Variants in PTPN14 observed in about 807,000 individuals in gnomAD.
The protein encoded by PTPN14 is protein tyrosine phosphatase non-receptor type 14.
PTPN14 carries 53 observed loss-of-function variants against 126.8 expected under a neutral mutation model. That is an observed-to-expected ratio of 0.42 (90% CI 0.34 to 0.53). The LOEUF (loss-of-function observed/expected upper bound fraction) is 0.53. PTPN14 is among the 20% of genes least tolerant of loss of function. The pLI is 0.08. For synonymous variants in PTPN14, 630 were observed against 599.3 expected (o/e 1.05, Z -0.75); for missense variants, 1,257 against 1,552.9 (o/e 0.81, Z 3.20).
At position 214,411,801 on chromosome 1, in the gene PTPN14, G is replaced by T. The variant is rs540466847; in HGVS notation, c.443-50C>A. ...GCAGTATTTATTATATGAAATTAAA[G>T]ATGGAATAAAATAGGGCAAACTCAT... is the stretch of plus-strand genomic sequence containing the variant. On this transcript the variant is annotated intron_variant, in intron 4 of 18. Transcript: ENST00000366956. 28 of 1,259,760 alleles carry T rather than the reference G, an allele frequency of 2.2e-5. No homozygotes were observed. The South Asian group carries it at 3.5e-4, about 16-fold the overall frequency. 78.0% of individuals were successfully genotyped at this position (1,259,760 alleles called of 1,614,324 possible). A position where few individuals can be genotyped will look rare whatever the true frequency, so the allele number is the denominator to read the frequency against.
intron 3 of PTPN14, among the ~76,000 whole-genome samples, chr1:214,417,051 A>G (rs554253360): frequency 9.2e-5 from 14 of 152,110 alleles, no homozygotes; most frequent in African/African-American, 3.1e-4. Flanking sequence ...TCATGCCAGG[A>G]AAGTAAGCAT....
In PTPN14 at chr1:214,351,215, C is replaced by A. The variant is rs915629432; in HGVS notation, c.*6707G>T. 1.3e-5 allele frequency: 2 copies of A among 149,984 alleles called. No individual in the cohort carries two copies. The highest frequency in any genetic ancestry group is 4.9e-5 in the African/African-American group (2 of 40,688). 9.3% of individuals were successfully genotyped at this position (149,984 alleles called of 1,614,324 possible). ...TAAAAATTAGCCGGGTGTGGTGGTG[C>A]ACGCCTATAATCCCAGCTACTTTGG... On this transcript the variant is annotated 3_prime_UTR_variant, in exon 19 of 19. Coordinates refer to ENST00000366956, the MANE Select transcript of PTPN14 (RefSeq NM_005401.5).
chr1:214,425,148 C>T (rs921674980), intron 3 of PTPN14, among the ~76,000 whole-genome samples: 3 of 152,080 alleles, frequency 2.0e-5, no homozygotes, highest in Non-Finnish European at 4.4e-5. Flanking sequence ...ACCTTGAAGG[C>T]GGGAACCACC....
intron 1 of PTPN14, among the ~76,000 whole-genome samples, chr1:214,478,534 T>C (rs937009602): frequency 6.6e-6 from 1 of 152,144 alleles, no homozygotes; most frequent in African/African-American, 2.4e-5. Context: ...TTATCACCAT[T>C]GTATTTGGAA....
chr1:214,467,874 G>A (rs139188693), intron 1 of PTPN14, among the ~76,000 whole-genome samples: 6 of 152,142 alleles, frequency 3.9e-5, no homozygotes, highest in East Asian at 1.9e-4. Flanking sequence ...TGCAAGATAC[G>A]GTATCAACAA....
chr1:214,384,644 A>C lies in PTPN14; in HGVS notation c.1211T>G (p.Ile404Ser), dbSNP rs750124787. Residue 404 changes from isoleucine (I) to serine (S), a missense_variant, in exon 13 of 19, where the codon ATC (isoleucine) becomes AGC (serine). Ile to Ser is a moderately radical substitution (Grantham distance 142, BLOSUM62 -2). Around this residue, in one of 3 missense-constraint regions of PTPN14, gnomAD observed 1,021 missense variants for 1,183.3 expected, o/e 0.86. Transcript: ENST00000366956. This position sits in a 1 kb window ranked among gnomAD's most constrained non-coding sequence, Gnocchi z 5.3. ...VNSLNCSQSF[I>S]QASPVSSNLS... Reference sequence around the variant, plus strand: ...GTTGGAGGATACAGGGGAGGCCTGGATGAAACTTTGCGAGCAGTTGAGGGA... The same window carrying C: ...GTTGGAGGATACAGGGGAGGCCTGGCTGAAACTTTGCGAGCAGTTGAGGGA... 6.2e-7 allele frequency: 1 copy of C among 1,614,040 alleles called. No homozygotes were observed. The highest frequency in any genetic ancestry group is 8.5e-7 in the Non-Finnish European group (1 of 1,180,014).
intron 5 of PTPN14, among the ~76,000 whole-genome samples, chr1:214,410,407 C>T (rs1659280414): frequency 6.6e-6 from 1 of 151,910 alleles, no homozygotes; most frequent in African/African-American, 2.4e-5. Flanking sequence ...ATTCTCCTGC[C>T]TCAGCCTCCT....
Position 214,465,065 on chromosome 1 carries a change from A to T in PTPN14, c.-154-108T>A. On this transcript the variant is annotated intron_variant, in intron 1 of 18. Coordinates refer to ENST00000366956, the MANE Select transcript of PTPN14 (RefSeq NM_005401.5). ...CCCCCCCCCCCACCCCGCCAAACAGATCAACACTCAGGTTTGATAAGCTGC... is the reference window on the plus strand; with the variant it reads ...CCCCCCCCCCCACCCCGCCAAACAGTTCAACACTCAGGTTTGATAAGCTGC... The T allele has an allele frequency of 7.7e-6, 3 of 387,204 alleles. No homozygotes were observed. The South Asian group carries it at 1.1e-4, about 14-fold the overall frequency. The allele number at this position is 387,204 out of a possible 1,614,324, so 24.0% of individuals were successfully genotyped here.
intron 1 of PTPN14, among the ~76,000 whole-genome samples, chr1:214,502,924 G>T (rs1375796299): frequency 6.6e-6 from 1 of 152,100 alleles, no homozygotes; most frequent in Non-Finnish European, 1.5e-5. Context: ...TAAGTGAAAA[G>T]TTGCTCAAAT....
intron 1 of PTPN14, among the ~76,000 whole-genome samples, chr1:214,517,532 C>T (rs148718102): frequency 1.5e-4 from 23 of 149,556 alleles, no homozygotes; most frequent in African/African-American, 4.9e-4. Context: ...AAAATCTAAT[C>T]ATAGCACTAG....
chr1:214,414,561 G>A (rs903868428), intron 4 of PTPN14, 68 bp downstream of exon 4: 6 of 1,374,242 alleles, frequency 4.4e-6, no homozygotes, highest in African/African-American at 4.3e-5. Context: ...TTCTCACTCT[G>A]AGAGGCCAGC....
chr1:214,484,390 G>A (rs1369795683), intron 1 of PTPN14, among the ~76,000 whole-genome samples: 1 of 152,192 alleles, frequency 6.6e-6, no homozygotes, highest in Non-Finnish European at 1.5e-5. Context: ...AAGCCTAGGT[G>A]ACAGAGTGAG....
chr1:214,368,524 T>C (rs113994461), intron 17 of PTPN14, among the ~76,000 whole-genome samples: 1 of 152,038 alleles, frequency 6.6e-6, no homozygotes, highest in Admixed American at 6.5e-5. Context: ...TATTTCTCCT[T>C]TTTTTTAAAA....
intron 3 of PTPN14, among the ~76,000 whole-genome samples, chr1:214,444,750 C>T (rs1273243934): frequency 6.6e-6 from 1 of 152,176 alleles, no homozygotes; most frequent in Non-Finnish European, 1.5e-5. Flanking sequence ...GAGACACACA[C>T]ATGCACACAC....
chr1:214,480,584 T>C (rs1660962907), intron 1 of PTPN14, among the ~76,000 whole-genome samples: 1 of 152,202 alleles, frequency 6.6e-6, no homozygotes, highest in South Asian at 2.1e-4. Flanking sequence ...GGCATGGCCC[T>C]GGGTATGATC....
rs71165974 is a variant in PTPN14, at chr1:214,465,951, C to CTTTT, written c.-154-998_-154-995dup. On this transcript the variant is annotated intron_variant, in intron 1 of 18. Coordinates refer to ENST00000366956, the MANE Select transcript of PTPN14 (RefSeq NM_005401.5). ...TGCATTTAATATAATCAGTTACTTC[C>CTTTT]TTTTTTTTTTTTTTTTTTTTGTGAA... Among the ~76,000 whole-genome samples, 61 of 59,008 alleles carry CTTTT rather than the reference C, an allele frequency of 1.0e-3. 10 individuals are homozygous for CTTTT. The highest frequency in any genetic ancestry group is 2.1e-3 in the African/African-American group (30 of 14,436). The allele number at this position is 59,008 out of a possible 152,430, so 38.7% of individuals were successfully genotyped here.
chr1:214,532,912 G>A lies in PTPN14; in HGVS notation c.-155+18271C>T, dbSNP rs551396370. ...TGATGCCCCCAAATCTCAGGACCTC[G>A]CCACGATCATGGCAGACATCTGGGC... On this transcript the variant is annotated intron_variant, in intron 1 of 18. Coordinates refer to ENST00000366956, the MANE Select transcript of PTPN14 (RefSeq NM_005401.5). 1.3e-4 allele frequency: 117 copies of A among 926,588 alleles called. No homozygotes were observed. The African/African-American group carries it at 1.7e-3, about 13-fold the overall frequency. 57.4% of individuals were successfully genotyped at this position (926,588 alleles called of 1,614,324 possible).
chr1:214,369,525 G>A lies in PTPN14; in HGVS notation c.3203C>T (p.Thr1068Met), dbSNP rs148337405. ...VKHLLSGQERTVWHLQYTDWP... is the reference protein window; with the variant it reads ...VKHLLSGQERMVWHLQYTDWP... ...GTCAGTATATTGTAAATGCCACACC[G>A]TCCTTTCTTGCCCAGACAAAAGGTG... The change falls in exon 17 of 19, where the codon ACG becomes ATG. Residue 1068 changes from threonine (T) to methionine (M), a missense_variant. Transcript: ENST00000366956. The A allele has an allele frequency of 2.3e-4, 370 of 1,613,994 alleles. 1 individual carries two copies. Among genetic ancestry groups the A allele is most frequent in the Non-Finnish European group, 3.0e-4 (351 of 1,180,028 alleles).
chr1:214,526,155 G>C (rs909462430), intron 1 of PTPN14, among the ~76,000 whole-genome samples: 2 of 151,564 alleles, frequency 1.3e-5, no homozygotes, highest in African/African-American at 4.9e-5. Context: ...TAGTAGACAG[G>C]GGTTTTCACC....
Sources: allele counts gnomAD v4.1 joint callset (sites outside exome capture counted in the v4.1 genomes callset), GRCh38; gene constraint gnomAD v4.1.1; regional missense constraint gnomAD v4.1.1; non-coding constraint Gnocchi (gnomAD v3.1); transcripts MANE v1.5; gene names NCBI Gene and HGNC (gene_info 2026-07-23, HGNC 2026-07-21).